E2F3: variants seen among roughly 807,000 people sequenced by gnomAD.
The protein encoded by E2F3 is E2F transcription factor 3.
A neutral mutation model predicts 44.4 loss-of-function variants in E2F3; 11 were observed. That is an observed-to-expected ratio of 0.25 (90% CI 0.16 to 0.41). The LOEUF is 0.41. E2F3 is among the 10% of genes least tolerant of loss of function. E2F3 has a pLI of 1.00. For missense variants in E2F3, 487 were observed against 583.6 expected (o/e 0.83, Z 1.70); for synonymous variants, 249 against 253.0 (o/e 0.98, Z 0.15).
At chr6:20,445,386 C>T (rs904950322) in intron 1 of E2F3, among the ~76,000 whole-genome samples, 9 of 152,026 alleles carry the variant, frequency 5.9e-5, no homozygotes, top group African/African-American at 2.2e-4. Flanking sequence ...ATTACAGGCC[C>T]GTGCCACCAA....
chr6:20,486,627 TG>T (rs1305871115), intron 4 of E2F3, 61 bp from the exon 5 acceptor site: 4 of 917,804 alleles, frequency 4.4e-6, no homozygotes, highest in Non-Finnish European at 6.9e-6. Context: ...GCATCTATTT[TG>T]TCATTTTCAT....
In E2F3 at chr6:20,460,656, C is replaced by G. The variant is rs372520567; in HGVS notation, c.394-19190C>G. Among the ~76,000 whole-genome samples, 24 of 152,156 alleles carry G rather than the reference C, an allele frequency of 1.6e-4. No homozygotes were observed. In the South Asian group the frequency reaches 4.8e-3, roughly 30 times the overall value. On this transcript the variant is annotated intron_variant, in intron 1 of 6. Transcript: ENST00000346618. ...CCTGTGCATGTTTTTCAGTATTTCT[C>G]TAAGATAAATTGATTCCCAGAAGTA...
In E2F3 at chr6:20,475,409, C is replaced by T. The variant is rs1489444436; in HGVS notation, c.394-4437C>T. 2.0e-5 allele frequency among the ~76,000 whole-genome samples: 3 copies of T among 152,164 alleles called. No individual in the cohort carries two copies. In the East Asian group the frequency reaches 5.8e-4, roughly 29 times the overall value. The stretch of plus-strand genomic sequence containing the variant: ...GGAGGGAGAGATAAAACTAGTATGC[C>T]CCCAGCCTGCTGACCAGTGGGTGGT... On this transcript the variant is annotated intron_variant, in intron 1 of 6. Coordinates refer to ENST00000346618, the MANE Select transcript of E2F3 (RefSeq NM_001949.5).
chr6:20,421,407 A>G (rs1030861613), intron 1 of E2F3, among the ~76,000 whole-genome samples: 9 of 152,390 alleles, frequency 5.9e-5, no homozygotes, highest in Non-Finnish European at 1.0e-4. Context: ...TAATAAGACT[A>G]GAAATTCAAA....
chr6:20,402,467 GTAGC>G lies in E2F3; in HGVS notation c.236_239del (p.Val79AlafsTer59). ...TTCCTCCTCCCTCCAAAGCGGCGCC[GTAGC>G]CGCCGGCCCCCTCCTCCCCAGTGCC... On this transcript the variant is annotated frameshift_variant, in exon 1 of 7. Transcript: ENST00000346618. LOFTEE classifies it high-confidence loss of function. This position sits in a 1 kb window ranked among gnomAD's most constrained non-coding sequence, Gnocchi z 5.6. The G allele has an allele frequency of 3.7e-6, 6 of 1,608,966 alleles. No individual in the cohort carries two copies. Among genetic ancestry groups the G allele is most frequent in the Non-Finnish European group, 5.1e-6 (6 of 1,179,188 alleles).
chr6:20,435,864 AT>A (rs1191017549), intron 1 of E2F3, among the ~76,000 whole-genome samples: 10 of 151,806 alleles, frequency 6.6e-5, no homozygotes, highest in Non-Finnish European at 1.0e-4. Flanking sequence ...AATAAACATT[AT>A]TGTTACTATT....
chr6:20,448,689 A>T (rs1373785603), intron 1 of E2F3, among the ~76,000 whole-genome samples: 1 of 152,120 alleles, frequency 6.6e-6, no homozygotes, highest in Non-Finnish European at 1.5e-5. Flanking sequence ...GTGGGAGAAG[A>T]GTATGTTGTA....
Position 20,486,177 on chromosome 6 carries a change from C to T in E2F3, c.885-512C>T, listed in dbSNP as rs113319209. Among the ~76,000 whole-genome samples, 1,219 of 152,154 alleles carry T rather than the reference C, an allele frequency of 8.0e-3. 5 individuals are homozygous for T. Among genetic ancestry groups the T allele is most frequent in the Middle Eastern group, 0.02 (6 of 294 alleles). ...TAGCCATAGTCTTTTTAGAAATGGG[C>T]GGGATAAAGCTATTCATTTCTTTAG... On this transcript the variant is annotated intron_variant, in intron 4 of 6. Transcript: ENST00000346618.
At position 20,401,917 on chromosome 6, in the gene E2F3, G is replaced by T; in HGVS notation, c.-316G>T. On this transcript the variant is annotated 5_prime_UTR_variant, in exon 1 of 7. Coordinates refer to ENST00000346618, the MANE Select transcript of E2F3 (RefSeq NM_001949.5). ...AGCAGCTTCCTGGAGCCATTTTTCAGCTGCCGGCCGCAGCACCCGGGCTGC... is the reference window on the plus strand; with the variant it reads ...AGCAGCTTCCTGGAGCCATTTTTCATCTGCCGGCCGCAGCACCCGGGCTGC... 2.6e-6 allele frequency: 1 copy of T among 391,594 alleles called. No individual in the cohort carries two copies. The allele number at this position is 391,594 out of a possible 1,614,324, so 24.3% of individuals were successfully genotyped here.
chr6:20,435,659 G>A (rs1040575497), intron 1 of E2F3, among the ~76,000 whole-genome samples: 2 of 152,142 alleles, frequency 1.3e-5, no homozygotes, highest in Non-Finnish European at 1.5e-5. Flanking sequence ...GCTGAGGCAG[G>A]AGAATTGCTT....
chr6:20,427,846 A>G (rs1253347942), intron 1 of E2F3, among the ~76,000 whole-genome samples: 1 of 152,112 alleles, frequency 6.6e-6, no homozygotes, highest in Non-Finnish European at 1.5e-5. Flanking sequence ...TTTCCAAGTG[A>G]GTTGGCAGCA....
At position 20,479,924 on chromosome 6, in the gene E2F3, A is replaced by G; in HGVS notation, c.472A>G (p.Arg158Gly). 2 of 1,612,436 alleles carry G rather than the reference A, an allele frequency of 1.2e-6. No homozygotes were observed. Among genetic ancestry groups the G allele is most frequent in the Non-Finnish European group, 1.7e-6 (2 of 1,179,224 alleles). Residue 158 changes from arginine to glycine, a missense_variant, in exon 2 of 7, where the codon AGA becomes GGA. By Grantham distance (125) the Arg-to-Gly change is moderately radical. This residue lies in a region of E2F3 where 238 missense variants were observed against 236.0 expected (regional missense o/e 1.01). Coordinates refer to ENST00000346618, the MANE Select transcript of E2F3 (RefSeq NM_001949.5). ...DGLKTPKGKG[R>G]AALRSPDSPK... is the part of the protein sequence containing the mutation. ...TTTAAAAACCCCCAAGGGCAAAGGA[A>G]GAGCTGCACTACGAAGTCCAGATAG...
chr6:20,434,183 TA>T (rs1333496861), intron 1 of E2F3, among the ~76,000 whole-genome samples: 1 of 152,126 alleles, frequency 6.6e-6, no homozygotes, highest in African/African-American at 2.4e-5. Context: ...AGACCTTAAT[TA>T]AAAACAGCCT....
At chr6:20,422,690 T>C (rs937239583) in intron 1 of E2F3, among the ~76,000 whole-genome samples, 1 of 152,158 alleles carries the variant, frequency 6.6e-6, no homozygotes, top group Non-Finnish European at 1.5e-5. Context: ...TCTTAAGGAA[T>C]AGGGAGGCCC....
At chr6:20,467,808 G>C (rs1761762405) in intron 1 of E2F3, among the ~76,000 whole-genome samples, 1 of 151,984 alleles carries the variant, frequency 6.6e-6, no homozygotes, top group Non-Finnish European at 1.5e-5. Context: ...ACCTTCCAGG[G>C]AGTTAGATTG....
At chr6:20,452,506 A>T (rs1761164422) in intron 1 of E2F3, 1 of 152,180 alleles carries the variant, frequency 6.6e-6, no homozygotes, top group Admixed American at 6.5e-5. Context: ...CACTCCTGTC[A>T]ACTTAATTAG....
chr6:20,403,799 C>T, intron 1 of E2F3: 1 of 1,498,480 alleles, frequency 6.7e-7, no homozygotes, highest in Non-Finnish European at 8.9e-7. Flanking sequence ...CCCCCGGAGC[C>T]AGGCTGGTTT....
intron 1 of E2F3, among the ~76,000 whole-genome samples, chr6:20,477,000 A>C (rs772787139): frequency 1.3e-5 from 2 of 152,208 alleles, no homozygotes; most frequent in African/African-American, 4.8e-5. Context: ...AAATATATAT[A>C]TAAAGAAACA....
chr6:20,411,108 C>A (rs1759656913), intron 1 of E2F3, among the ~76,000 whole-genome samples: 1 of 152,196 alleles, frequency 6.6e-6, no homozygotes, highest in South Asian at 2.1e-4. Context: ...GAAGAATAAG[C>A]TTCTTGTAGT....
Sources: allele counts gnomAD v4.1 joint callset (sites outside exome capture counted in the v4.1 genomes callset), GRCh38; gene constraint gnomAD v4.1.1; regional missense constraint gnomAD v4.1.1; non-coding constraint Gnocchi (gnomAD v3.1); transcripts MANE v1.5; gene names NCBI Gene and HGNC (gene_info 2026-07-23, HGNC 2026-07-21).